The following TSHZ2 variants were observed in gnomAD, a reference collection of about 807,000 sequenced individuals.
The protein encoded by TSHZ2 is teashirt zinc finger homeobox 2, also known as teashirt homolog 2.
In TSHZ2, 21 loss-of-function variants were observed where a neutral mutation model predicts 74.4. That is an observed-to-expected ratio of 0.28 (90% CI 0.20 to 0.41). The LOEUF (loss-of-function observed/expected upper bound fraction) is 0.41, where lower values mean the gene tolerates loss of function less well. Among genes scored for constraint, TSHZ2 ranks in the 10% least tolerant of loss-of-function variants. The pLI, the probability that TSHZ2 is intolerant of heterozygous loss-of-function variation, is 1.00. For missense variants in TSHZ2, 1,244 were observed against 1,293.5 expected (o/e 0.96, Z 0.59); for synonymous variants, 540 against 515.3 (o/e 1.05, Z -0.65).
intron 1 of TSHZ2, among the ~76,000 whole-genome samples, chr20:53,166,921 T>A (rs1293396): frequency 0.39 from 59,691 of 151,978 alleles, 13,066 homozygotes; most frequent in African/African-American, 0.6. Context: ...AGTATTATAT[T>A]AAAAAAACCT....
intron 2 of TSHZ2, among the ~76,000 whole-genome samples, chr20:53,440,960 T>C (rs1271928906): frequency 2.6e-5 from 4 of 152,152 alleles, no homozygotes; most frequent in Non-Finnish European, 5.9e-5. Context: ...TGAGAACCAT[T>C]GTCACAGACT....
intron 2 of TSHZ2, among the ~76,000 whole-genome samples, chr20:53,339,074 C>A (rs1980073418): frequency 6.6e-6 from 1 of 152,212 alleles, no homozygotes; most frequent in Non-Finnish European, 1.5e-5. Flanking sequence ...TCAGCATTGT[C>A]ACCAAACTAG....
chr20:53,135,411 A>G (rs551575454), intron 1 of TSHZ2, among the ~76,000 whole-genome samples: 23 of 152,186 alleles, frequency 1.5e-4, no homozygotes, highest in Non-Finnish European at 2.2e-4. Flanking sequence ...ACCTTTGGGG[A>G]CTGGCTTCTT....
At chr20:53,331,077 C>T (rs899543265) in intron 2 of TSHZ2, among the ~76,000 whole-genome samples, 4 of 152,156 alleles carry the variant, frequency 2.6e-5, no homozygotes, top group African/African-American at 9.7e-5. Flanking sequence ...TACCAGGTGT[C>T]TATGCGGGAT....
intron 1 of TSHZ2, among the ~76,000 whole-genome samples, chr20:53,126,362 G>A (rs541569107): frequency 3.9e-5 from 6 of 152,296 alleles, no homozygotes; most frequent in South Asian, 2.1e-4. Flanking sequence ...AAAGATTGTC[G>A]TTGGGACTAA....
intron 1 of TSHZ2, among the ~76,000 whole-genome samples, chr20:53,132,830 A>G (rs1194366751): frequency 6.6e-6 from 1 of 152,154 alleles, no homozygotes; most frequent in East Asian, 1.9e-4. Context: ...CTGACATAAA[A>G]TATCAGGATT....
chr20:53,438,025 C>T (rs1051431450), intron 2 of TSHZ2, among the ~76,000 whole-genome samples: 1 of 152,120 alleles, frequency 6.6e-6, no homozygotes, highest in Non-Finnish European at 1.5e-5. Flanking sequence ...CGGGTATCCC[C>T]TTATAGCAAC....
At chr20:53,316,939 A>G (rs981867249) in intron 2 of TSHZ2, among the ~76,000 whole-genome samples, 2 of 152,150 alleles carry the variant, frequency 1.3e-5, no homozygotes, top group Non-Finnish European at 2.9e-5. Flanking sequence ...CCCTGTTTCA[A>G]TGAGCTGCCT....
intron 1 of TSHZ2, among the ~76,000 whole-genome samples, chr20:53,227,830 G>A (rs919833804): frequency 1.3e-5 from 2 of 151,842 alleles, no homozygotes; most frequent in Admixed American, 6.6e-5. Context: ...GACTTCAAAG[G>A]GAGTGAGGCT....
chr20:53,327,486 AAAAAAAG>A (rs912131220), intron 2 of TSHZ2, among the ~76,000 whole-genome samples: 3 of 152,190 alleles, frequency 2.0e-5, no homozygotes, highest in African/African-American at 7.2e-5. Flanking sequence ...AAGACGTCTC[AAAAAAAG>A]AAAAAAGAAA....
chr20:52,988,253 A>G (rs918920146), intron 1 of TSHZ2, among the ~76,000 whole-genome samples: 6 of 152,198 alleles, frequency 3.9e-5, no homozygotes, highest in African/African-American at 1.4e-4. Context: ...AGCACTGGCT[A>G]CATTCAGGTT....
intron 1 of TSHZ2, among the ~76,000 whole-genome samples, chr20:53,018,772 G>A (rs1983130578): frequency 1.3e-5 from 2 of 152,158 alleles, no homozygotes; most frequent in Admixed American, 1.3e-4. Flanking sequence ...TCATGAGAAA[G>A]CTTAATTCAG....
At position 53,294,727 on chromosome 20, in the gene TSHZ2, G is replaced by C. The variant is rs1991343044; in HGVS notation, c.*8+38156G>C. ...AAAATTCAGTCCATCAAGAGGTTCT[G>C]AGAGTCTTTGGGTTTAAGTCTTTCT... On this transcript the variant is annotated intron_variant, in intron 2 of 2. Transcript: ENST00000371497. 3.3e-5 allele frequency among the ~76,000 whole-genome samples: 5 copies of C among 152,306 alleles called. No individual in the cohort carries two copies. The South Asian group carries it at 1.0e-3, about 32-fold the overall frequency.
At chr20:53,414,667 A>T (rs545350645) in intron 2 of TSHZ2, among the ~76,000 whole-genome samples, 55 of 152,230 alleles carry the variant, frequency 3.6e-4, no homozygotes, top group Admixed American at 5.2e-4. Flanking sequence ...CTTAAAAAAA[A>T]TTTTATTTAA....
intron 1 of TSHZ2, 115 bp from the exon 2 acceptor site, chr20:53,253,384 A>G (rs549825745): frequency 6.8e-7 from 1 of 1,480,088 alleles, no homozygotes; most frequent in East Asian, 2.3e-5. Flanking sequence ...GTGCATAAAA[A>G]TGTAGATTAA....
chr20:53,376,752 GA>G (rs1211644256), intron 2 of TSHZ2, among the ~76,000 whole-genome samples: 2 of 152,262 alleles, frequency 1.3e-5, no homozygotes, highest in East Asian at 3.9e-4. Context: ...CACCCTATGC[GA>G]CTAATCTGGC....
intron 1 of TSHZ2, among the ~76,000 whole-genome samples, chr20:53,184,544 C>T (rs1328179674): frequency 6.6e-6 from 1 of 152,032 alleles, no homozygotes; most frequent in Non-Finnish European, 1.5e-5. Flanking sequence ...CATCCATCAC[C>T]CAAAGATCAC....
chr20:53,361,576 C>G (rs1175850390), intron 2 of TSHZ2, among the ~76,000 whole-genome samples: 1 of 152,166 alleles, frequency 6.6e-6, no homozygotes, highest in East Asian at 1.9e-4. Context: ...CTCTTGAGGC[C>G]TTCCTTCCAC....
chr20:53,256,618 T>C lies in TSHZ2; in HGVS notation c.*8+47T>C. The stretch of plus-strand genomic sequence containing the variant: ...TTGCGATTAGCCTGGTGAGGAGCTT[T>C]CTTACAGGGAGATGGGTCTGCTTAG... On this transcript the variant is annotated intron_variant, in intron 2 of 2. Coordinates refer to ENST00000371497, the MANE Select transcript of TSHZ2 (RefSeq NM_173485.6). The surrounding 1 kb of genome is among the most constrained non-coding windows in gnomAD (Gnocchi z 4.3). The C allele has an allele frequency of 6.6e-7, 1 of 1,518,328 alleles. No homozygotes were observed. Among genetic ancestry groups the C allele is most frequent in the South Asian group, 1.4e-5 (1 of 73,886 alleles). The allele number at this position is 1,518,328 out of a possible 1,614,324, so 94.1% of individuals were successfully genotyped here. A position where few individuals can be genotyped will look rare whatever the true frequency, so the allele number is the denominator to read the frequency against.
Sources: gnomAD v4.1 joint callset for allele counts (sites outside exome capture counted in the v4.1 genomes callset) on GRCh38, gnomAD v4.1.1 for gene constraint, Gnocchi (gnomAD v3.1) non-coding constraint, MANE v1.5 for transcripts, NCBI Gene and HGNC (gene_info 2026-07-23, HGNC 2026-07-21) for gene names.